Variants in SHISA9 observed in about 807,000 individuals in gnomAD.
SHISA9 encodes shisa family member 9.
In SHISA9, 13 loss-of-function variants were observed where a neutral mutation model predicts 38.0. The observed-to-expected ratio is 0.34, with a 90% CI of 0.22 to 0.54. SHISA9 has a LOEUF of 0.54. Ranked by LOEUF, SHISA9 falls within the 20% of genes least tolerant of loss-of-function variation. The pLI is 0.91. For missense variants in SHISA9, 538 were observed against 575.8 expected (o/e 0.93, Z 0.67); for synonymous variants, 275 against 242.0 (o/e 1.14, Z -1.27).
chr16:13,232,920 C>T (rs961158681), intron 4 of SHISA9, among the ~76,000 whole-genome samples: 4 of 152,112 alleles, frequency 2.6e-5, no homozygotes, highest in Non-Finnish European at 5.9e-5. Context: ...CTCAGTTAAT[C>T]TCTTTACGAT....
At chr16:13,052,856 C>T (rs1036910650) in intron 2 of SHISA9, among the ~76,000 whole-genome samples, 4 of 151,544 alleles carry the variant, frequency 2.6e-5, no homozygotes, top group Non-Finnish European at 4.4e-5. Context: ...TTATTCCCAT[C>T]TTTGGTTGGG....
chr16:13,256,358 C>T, the SHISA9 span, among the ~76,000 whole-genome samples: 4 of 152,116 alleles, frequency 2.6e-5, no homozygotes, highest in Non-Finnish European at 4.4e-5. Flanking sequence ...CTCGGCTCAC[C>T]GCAACCTCTG....
chr16:13,224,363 T>C (rs1360248029), intron 4 of SHISA9, among the ~76,000 whole-genome samples: 1 of 152,216 alleles, frequency 6.6e-6, no homozygotes, highest in African/African-American at 2.4e-5. Flanking sequence ...AGTTCGCCTG[T>C]CTGCGACATA....
chr16:13,546,200 G>T, the SHISA9 span, among the ~76,000 whole-genome samples: 3 of 147,752 alleles, frequency 2.0e-5, no homozygotes, highest in East Asian at 5.8e-4. Flanking sequence ...AAATTCCTCA[G>T]TGCTACAACT....
the SHISA9 span, among the ~76,000 whole-genome samples, chr16:13,388,200 C>G: frequency 2.2e-4 from 34 of 152,132 alleles, no homozygotes; most frequent in African/African-American, 8.2e-4. Context: ...AGGATCAATC[C>G]CAAGAGTCAA....
At chr16:12,982,097 A>C (rs2072247092) in intron 2 of SHISA9, among the ~76,000 whole-genome samples, 1 of 152,194 alleles carries the variant, frequency 6.6e-6, no homozygotes, top group African/African-American at 2.4e-5. Flanking sequence ...ACTACTTTAC[A>C]AATGGAAACA....
At chr16:13,204,149 T>C (rs1567247321) in intron 3 of SHISA9, among the ~76,000 whole-genome samples, 1 of 149,042 alleles carries the variant, frequency 6.7e-6, no homozygotes, top group Non-Finnish European at 1.5e-5. Context: ...TATCTATCTA[T>C]CTATCTATCT....
the SHISA9 span, among the ~76,000 whole-genome samples, chr16:13,373,929 C>G: frequency 6.6e-6 from 1 of 152,124 alleles, no homozygotes; most frequent in African/African-American, 2.4e-5. Flanking sequence ...GAAGCAGATG[C>G]TGAGATGGAG....
intron 2 of SHISA9, among the ~76,000 whole-genome samples, chr16:13,044,062 G>A (rs557179473): frequency 4.9e-4 from 74 of 152,278 alleles, no homozygotes; most frequent in Non-Finnish European, 9.0e-4. Flanking sequence ...AGAAGCCTCT[G>A]GCTAGAGTTT....
At chr16:13,181,317 A>G (rs1377901041) in intron 2 of SHISA9, among the ~76,000 whole-genome samples, 1 of 38,606 alleles carries the variant, frequency 2.6e-5, no homozygotes, top group African/African-American at 1.4e-4. Flanking sequence ...ATATATACAC[A>G]CACACACACA....
chr16:13,003,468 G>A (rs1297967869), intron 2 of SHISA9, among the ~76,000 whole-genome samples: 5 of 152,182 alleles, frequency 3.3e-5, no homozygotes, highest in Non-Finnish European at 7.3e-5. Context: ...TTTTGGCCAT[G>A]TGCAAAAACT....
At chr16:13,053,264 C>T (rs148359197) in intron 2 of SHISA9, among the ~76,000 whole-genome samples, 79 of 151,034 alleles carry the variant, frequency 5.2e-4, no homozygotes, top group African/African-American at 1.9e-3. Context: ...CACGCAGCCC[C>T]CTTTCCTTTC....
chr16:13,542,466 G>T, the SHISA9 span, among the ~76,000 whole-genome samples: 1 of 152,192 alleles, frequency 6.6e-6, no homozygotes, highest in African/African-American at 2.4e-5. Context: ...TTCAGAGAGG[G>T]TAAGTGAGTC....
the SHISA9 span, among the ~76,000 whole-genome samples, chr16:13,562,555 G>A: frequency 1.1e-3 from 170 of 151,366 alleles, 1 homozygote; most frequent in African/African-American, 3.5e-3. Context: ...TCTTGAACCC[G>A]GGAGGCTGAG....
In SHISA9 at chr16:12,918,011, T is replaced by C. The variant is rs2071280474; in HGVS notation, c.691+1196T>C. Among the ~76,000 whole-genome samples the C allele has an allele frequency of 3.3e-5, 5 of 152,178 alleles. No homozygotes were observed. The South Asian group carries it at 1.0e-3, about 32-fold the overall frequency. On this transcript the variant is annotated intron_variant, in intron 2 of 4. Transcript: ENST00000558583. ...TGGTTTGGAAATTGTTGCAGTGTGTTAGTAAAGTCAATGTTTGCATGGTTT... is the reference window on the plus strand; with the variant it reads ...TGGTTTGGAAATTGTTGCAGTGTGTCAGTAAAGTCAATGTTTGCATGGTTT...
chr16:12,963,267 C>T (rs1240889741), intron 2 of SHISA9, among the ~76,000 whole-genome samples: 2 of 152,174 alleles, frequency 1.3e-5, no homozygotes, highest in African/African-American at 4.8e-5. Flanking sequence ...TGCATCTCTG[C>T]AGGACCCAGT....
the SHISA9 span, among the ~76,000 whole-genome samples, chr16:13,511,435 ACT>A: frequency 7.6e-4 from 116 of 152,274 alleles, 1 homozygote; most frequent in South Asian, 0.023. Context: ...TTTAAATTTA[ACT>A]CTCATAACAG....
the SHISA9 span, among the ~76,000 whole-genome samples, chr16:13,525,116 C>G: frequency 2.0e-5 from 3 of 152,124 alleles, no homozygotes; most frequent in Non-Finnish European, 4.4e-5. Flanking sequence ...ACCGTAGTTT[C>G]CAAGACGTTG....
At chr16:13,051,089 A>T (rs890792895) in intron 2 of SHISA9, among the ~76,000 whole-genome samples, 7 of 152,194 alleles carry the variant, frequency 4.6e-5, no homozygotes, top group Admixed American at 4.6e-4. Context: ...CATCCTACTG[A>T]GTACGTACTT....
Sources: allele counts gnomAD v4.1 joint callset (sites outside exome capture counted in the v4.1 genomes callset), GRCh38; gene constraint gnomAD v4.1.1; transcripts MANE v1.5; gene names NCBI Gene and HGNC (gene_info 2026-07-23, HGNC 2026-07-21).